Variants in ZFAND4 observed in about 807,000 individuals in gnomAD.
ZFAND4 encodes AN1-type zinc finger protein 4.
In ZFAND4, 43 loss-of-function variants were observed where a neutral mutation model predicts 64.4. That is an observed-to-expected ratio of 0.67 (90% CI 0.52 to 0.86). The LOEUF (loss-of-function observed/expected upper bound fraction) is 0.86, where lower values mean the gene tolerates loss of function less well. ZFAND4 is among the 40% of genes least tolerant of loss of function. ZFAND4 has a pLI of 0.00. For missense variants in ZFAND4, 929 were observed against 859.8 expected (o/e 1.08, Z -1.01); for synonymous variants, 296 against 305.7 (o/e 0.97, Z 0.33).
At position 45,642,489 on chromosome 10, in the gene ZFAND4, C is replaced by A. The variant is rs557413002; in HGVS notation, c.570-2526G>T. ...GGGCGTGGTGGCGGGTGCCTGTAGT[C>A]CCAGCTACTCAGGAGGCTGAGGCAG... On this transcript the variant is annotated intron_variant, in intron 5 of 9. Coordinates refer to ENST00000344646, the MANE Select transcript of ZFAND4 (RefSeq NM_174890.4). Among the ~76,000 whole-genome samples the A allele has an allele frequency of 4.3e-3, 649 of 151,742 alleles. 4 individuals carry two copies. Among genetic ancestry groups the A allele is most frequent in the African/African-American group, 0.014 (572 of 41,362 alleles).
chr10:45,620,522 A>C (rs1420494436), intron 8 of ZFAND4, among the ~76,000 whole-genome samples: 1 of 152,188 alleles, frequency 6.6e-6, no homozygotes, highest in Non-Finnish European at 1.5e-5. Context: ...GAGACAGAGA[A>C]TACATTAGTG....
chr10:45,636,404 G>C (rs2046595790), intron 6 of ZFAND4, among the ~76,000 whole-genome samples: 1 of 152,152 alleles, frequency 6.6e-6, no homozygotes, highest in Admixed American at 6.5e-5. Context: ...GGGAGGCCAA[G>C]ACAGGTGGAT....
At chr10:45,638,411 G>A (rs1379294162) in intron 6 of ZFAND4, among the ~76,000 whole-genome samples, 5 of 151,408 alleles carry the variant, frequency 3.3e-5, no homozygotes, top group African/African-American at 7.3e-5. Flanking sequence ...GGACAATGGC[G>A]TGAACCCGGG....
chr10:45,621,191 C>A (rs548536119), intron 8 of ZFAND4, among the ~76,000 whole-genome samples: 34 of 151,950 alleles, frequency 2.2e-4, no homozygotes, highest in Admixed American at 4.6e-4. Flanking sequence ...CCAAGGGAAA[C>A]CTTATAGTGA....
intron 8 of ZFAND4, among the ~76,000 whole-genome samples, chr10:45,619,935 A>C (rs2045290577): frequency 6.6e-6 from 1 of 152,210 alleles, no homozygotes; most frequent in Non-Finnish European, 1.5e-5. Context: ...GAGTAATTCC[A>C]TTATTTAAAG....
chr10:45,642,720 C>G (rs909865326), intron 5 of ZFAND4, among the ~76,000 whole-genome samples: 2 of 150,082 alleles, frequency 1.3e-5, no homozygotes, highest in Admixed American at 6.6e-5. Flanking sequence ...TTTGTTTTCT[C>G]TCATGAAGTA....
chr10:45,631,350 CA>C (rs2046208785), intron 6 of ZFAND4, among the ~76,000 whole-genome samples: 1 of 143,920 alleles, frequency 6.9e-6, no homozygotes, highest in African/African-American at 2.6e-5. Context: ...AGAAAACAAA[CA>C]AAAAAACAAA....
intron 6 of ZFAND4, among the ~76,000 whole-genome samples, chr10:45,629,455 A>T (rs2046061151): frequency 6.6e-6 from 1 of 152,208 alleles, no homozygotes; most frequent in Non-Finnish European, 1.5e-5. Flanking sequence ...AACCATTGAG[A>T]CTTTGATAGT....
chr10:45,639,610 T>TGAATTAC lies in ZFAND4; in HGVS notation c.717+205_717+206insGTAATTC, dbSNP rs1273090508. On this transcript the variant is annotated intron_variant, in intron 6 of 9. Coordinates refer to ENST00000344646, the MANE Select transcript of ZFAND4 (RefSeq NM_174890.4). Reference sequence around the variant, plus strand: ...AGACCCAGAATGATCTTTAAAATGATGTTAAGTGCAGTATAATCCCTTCAG... The same window carrying TGAATTAC: ...AGACCCAGAATGATCTTTAAAATGATGAATTACGTTAAGTGCAGTATAATCCCTTCAG... 1.8e-3 allele frequency: 644 copies of TGAATTAC among 363,376 alleles called. 7 individuals are homozygous for TGAATTAC. The highest frequency in any genetic ancestry group is 0.013 in the African/African-American group (601 of 47,854). The allele number at this position is 363,376 out of a possible 1,614,324, so 22.5% of individuals were successfully genotyped here.
rs772020237 is a variant in ZFAND4, at chr10:45,634,255, TG to T, written c.717+5560del. 5.3e-5 allele frequency among the ~76,000 whole-genome samples: 8 copies of T among 152,324 alleles called. No individual in the cohort carries two copies. In the South Asian group the frequency reaches 1.0e-3, roughly 20 times the overall value. ...TTAAACATTTCTCAGCCAGGCGCGGTGGCTCATGCCTGTAATCCCAGCACCT... is the reference window on the plus strand; with the variant it reads ...TTAAACATTTCTCAGCCAGGCGCGGTGCTCATGCCTGTAATCCCAGCACCT... On this transcript the variant is annotated intron_variant, in intron 6 of 9. Coordinates refer to ENST00000344646, the MANE Select transcript of ZFAND4 (RefSeq NM_174890.4).
chr10:45,616,318 G>A lies in ZFAND4; in HGVS notation c.*118C>T, dbSNP rs925981976. The A allele has an allele frequency of 6.0e-6, 8 of 1,339,152 alleles. No homozygotes were observed. Among genetic ancestry groups the A allele is most frequent in the Non-Finnish European group, 5.1e-6 (5 of 976,234 alleles). 83.0% of individuals were successfully genotyped at this position (1,339,152 alleles called of 1,614,324 possible). A position where few individuals can be genotyped will look rare whatever the true frequency, so the allele number is the denominator to read the frequency against. ...TTCTTGTTCTCCAACAGTATGCATT[G>A]TATGCTTTTGTTATTTGGCAAATCT... On this transcript the variant is annotated 3_prime_UTR_variant, in exon 10 of 10. Transcript: ENST00000344646.
At chr10:45,635,527 A>G (rs1396099737) in intron 6 of ZFAND4, among the ~76,000 whole-genome samples, 4 of 134,774 alleles carry the variant, frequency 3.0e-5, no homozygotes, top group Admixed American at 7.1e-5. Context: ...AATCTAAATG[A>G]ACTAAAGACT....
intron 5 of ZFAND4, among the ~76,000 whole-genome samples, chr10:45,645,697 T>C (rs2133750387): frequency 6.6e-6 from 1 of 152,364 alleles, no homozygotes; most frequent in African/African-American, 2.4e-5. Context: ...ATCATTCCCA[T>C]GCTTTCAAAA....
chr10:45,665,415 C>T (rs1266678450), intron 1 of ZFAND4, among the ~76,000 whole-genome samples: 1 of 152,066 alleles, frequency 6.6e-6, no homozygotes, highest in Non-Finnish European at 1.5e-5. Flanking sequence ...GTGGCGCACA[C>T]CTGTAGTCCC....
intron 2 of ZFAND4, among the ~76,000 whole-genome samples, chr10:45,659,591 A>T (rs537871612): frequency 1.3e-5 from 2 of 152,290 alleles, no homozygotes; most frequent in South Asian, 4.1e-4. Context: ...AAGCATGCTA[A>T]AAGACATGAA....
intron 2 of ZFAND4, among the ~76,000 whole-genome samples, chr10:45,653,296 C>T (rs2047883582): frequency 6.6e-6 from 1 of 152,036 alleles, no homozygotes; most frequent in Admixed American, 6.6e-5. Flanking sequence ...CTCTCTGGTC[C>T]TAAAACAAGG....
At chr10:45,651,872 G>T (rs777101651) in intron 4 of ZFAND4, 94 bp downstream of exon 4, 146 of 1,146,826 alleles carry the variant, frequency 1.3e-4, no homozygotes, top group Non-Finnish European at 1.7e-4. Context: ...CCTAATAGCA[G>T]AAAGGAAACC....
intron 8 of ZFAND4, chr10:45,620,930 T>C (rs1248700541): frequency 6.6e-6 from 1 of 152,144 alleles, no homozygotes; most frequent in African/African-American, 2.4e-5. Context: ...ACTGAACAGA[T>C]GAATAAAGAA....
Position 45,618,273 on chromosome 10 carries a change from A to C in ZFAND4, c.1928-13T>G. ...GTAGTACATTCTCCTGTTTAGAGAA[A>C]GGACACCTTGATTAACACAGGCATA... On this transcript the variant is annotated splice_polypyrimidine_tract_variant and intron_variant, in intron 8 of 9. Transcript: ENST00000344646. 6.2e-7 allele frequency: 1 copy of C among 1,609,220 alleles called. No homozygotes were observed. Among genetic ancestry groups the C allele is most frequent in the Non-Finnish European group, 8.5e-7 (1 of 1,178,654 alleles).
Sources: allele counts gnomAD v4.1 joint callset (sites outside exome capture counted in the v4.1 genomes callset), GRCh38; gene constraint gnomAD v4.1.1; transcripts MANE v1.5; gene names NCBI Gene and HGNC (gene_info 2026-07-23, HGNC 2026-07-21).